The following LMX1B variants were observed in gnomAD, a reference collection of about 807,000 sequenced individuals.
LMX1B encodes the protein LIM homeobox transcription factor 1 beta.
A neutral mutation model predicts 51.4 loss-of-function variants in LMX1B; 12 were observed. The ratio of observed to expected loss-of-function variants is 0.23; its 90% CI spans 0.15 to 0.38. The LOEUF (loss-of-function observed/expected upper bound fraction) is 0.38. LMX1B is among the 10% of genes least tolerant of loss of function. LMX1B has a pLI of 1.00. For missense variants in LMX1B, 445 were observed against 571.1 expected, an observed-to-expected ratio of 0.78 and a Z score of 2.25; for synonymous variants, 237 against 235.4, an observed-to-expected ratio of 1.01 and a Z score of -0.06.
At position 126,625,908 on chromosome 9, in the gene LMX1B, G is replaced by T. The variant is rs1425015569; in HGVS notation, c.326+10339G>T. 2.6e-5 allele frequency among the ~76,000 whole-genome samples: 4 copies of T among 152,236 alleles called. No homozygotes were observed. Among genetic ancestry groups the T allele is most frequent in the Admixed American group, 1.3e-4 (2 of 15,290 alleles). ...CTTTAGCCGTGGCGCTCGCCTCGGC[G>T]CAGTGGGGAGCCGCGGGCGTCGGAG... On this transcript the variant is annotated intron_variant, in intron 2 of 7. Coordinates refer to ENST00000373474, the MANE Select transcript of LMX1B (RefSeq NM_001174147.2). This position sits in a 1 kb window ranked among gnomAD's most constrained non-coding sequence, Gnocchi z 5.3.
chr9:126,683,276 G>GGCCCCC (rs1275113934), intron 2 of LMX1B, among the ~76,000 whole-genome samples: 1 of 151,426 alleles, frequency 6.6e-6, no homozygotes, highest in Admixed American at 6.6e-5. Context: ...CGCGTACCGG[G>GGCCCCC]GCCCCCGCCC....
In LMX1B at chr9:126,671,055, T is replaced by C. The variant is rs1189320817; in HGVS notation, c.327-19781T>C. Among the ~76,000 whole-genome samples, 1 of 151,950 alleles carries C rather than the reference T, an allele frequency of 6.6e-6. No homozygotes were observed. The highest frequency in any genetic ancestry group is 1.5e-5 in the Non-Finnish European group (1 of 67,996). The stretch of plus-strand genomic sequence containing the variant: ...ATACACAGCCAGGGGCCATGCCAGG[T>C]GGCAGAGAAGGGGGCAAGAGAACTA... On this transcript the variant is annotated intron_variant, in intron 2 of 7. Coordinates refer to ENST00000373474, the MANE Select transcript of LMX1B (RefSeq NM_001174147.2). The surrounding 1 kb of genome is among the most constrained non-coding windows in gnomAD (Gnocchi z 4.4).
intron 2 of LMX1B, among the ~76,000 whole-genome samples, chr9:126,639,686 T>G (rs988104751): frequency 1.3e-5 from 2 of 152,108 alleles, no homozygotes; most frequent in Non-Finnish European, 2.9e-5. Context: ...TGCAAGCTGT[T>G]AGTGACTGGG....
chr9:126,640,899 G>T (rs1245074353), intron 2 of LMX1B: 1 of 152,288 alleles, frequency 6.6e-6, no homozygotes, highest in Non-Finnish European at 1.5e-5. Context: ...GGTGGGGTCA[G>T]AGGGGACACT....
At chr9:126,647,210 C>T (rs1835918446) in intron 2 of LMX1B, among the ~76,000 whole-genome samples, 1 of 151,264 alleles carries the variant, frequency 6.6e-6, no homozygotes, top group Non-Finnish European at 1.5e-5. Context: ...GAGACTCCAT[C>T]TCAAGAAAAA....
intron 2 of LMX1B, among the ~76,000 whole-genome samples, chr9:126,687,571 A>G (rs990668003): frequency 3.9e-5 from 6 of 152,120 alleles, no homozygotes; most frequent in African/African-American, 1.4e-4. Flanking sequence ...AGGTTCAGAG[A>G]GGTCAAATGC....
At chr9:126,623,272 G>A (rs933929462) in intron 2 of LMX1B, among the ~76,000 whole-genome samples, 1 of 152,228 alleles carries the variant, frequency 6.6e-6, no homozygotes, top group African/African-American at 2.4e-5. Flanking sequence ...GCCAGCCTGT[G>A]GATGGGCCCT....
rs771783644 is a variant in LMX1B, at chr9:126,658,891, A to T, written c.327-31945A>T. Among the ~76,000 whole-genome samples the T allele has an allele frequency of 5.3e-5, 8 of 152,176 alleles. No homozygotes were observed. The highest frequency in any genetic ancestry group is 1.9e-4 in the African/African-American group (8 of 41,444). On this transcript the variant is annotated intron_variant, in intron 2 of 7. Transcript: ENST00000373474. This position sits in a 1 kb window ranked among gnomAD's most constrained non-coding sequence, Gnocchi z 4.0. Reference sequence around the variant, plus strand: ...GAGAGAAGGAGGACTTCCTGGGGACATGAGAAGTCCATACTGGAGGCAAGA... The same window carrying T: ...GAGAGAAGGAGGACTTCCTGGGGACTTGAGAAGTCCATACTGGAGGCAAGA...
intron 2 of LMX1B, among the ~76,000 whole-genome samples, chr9:126,645,110 T>C (rs946996895): frequency 1.3e-5 from 2 of 151,792 alleles, no homozygotes; most frequent in African/African-American, 2.4e-5. Context: ...CTGGCTGGGT[T>C]CCCCCCCTAC....
chr9:126,646,028 G>T (rs1291754029), intron 2 of LMX1B, among the ~76,000 whole-genome samples: 2 of 152,168 alleles, frequency 1.3e-5, no homozygotes, highest in African/African-American at 4.8e-5. Flanking sequence ...TACTTCCTGA[G>T]CCGATTATTA....
At chr9:126,630,406 C>T (rs1196485794) in intron 2 of LMX1B, among the ~76,000 whole-genome samples, 1 of 152,132 alleles carries the variant, frequency 6.6e-6, no homozygotes, top group Non-Finnish European at 1.5e-5. Flanking sequence ...GAACAACTCT[C>T]CTGGCAGTAG....
chr9:126,679,635 C>T (rs1049806360), intron 2 of LMX1B, among the ~76,000 whole-genome samples: 3 of 152,012 alleles, frequency 2.0e-5, no homozygotes, highest in African/African-American at 7.3e-5. Flanking sequence ...ACGACCTATC[C>T]TCCTTAGCAC....
At chr9:126,637,508 T>C (rs1275572471) in intron 2 of LMX1B, among the ~76,000 whole-genome samples, 2 of 152,078 alleles carry the variant, frequency 1.3e-5, no homozygotes, top group African/African-American at 2.4e-5. Context: ...CTGTGGTGTG[T>C]GGCATACAGG....
chr9:126,635,698 A>AT (rs1293852022), intron 2 of LMX1B, among the ~76,000 whole-genome samples: 1 of 152,160 alleles, frequency 6.6e-6, no homozygotes, highest in African/African-American at 2.4e-5. Context: ...GTCTCACAAA[A>AT]TTGCAGCTCA....
At chr9:126,627,440 C>T (rs1359113870) in intron 2 of LMX1B, among the ~76,000 whole-genome samples, 1 of 152,006 alleles carries the variant, frequency 6.6e-6, no homozygotes, top group Non-Finnish European at 1.5e-5. Context: ...CCATTTTCTC[C>T]CTCCTGTCCC....
At chr9:126,632,874 G>A (rs971306527) in intron 2 of LMX1B, among the ~76,000 whole-genome samples, 1 of 152,188 alleles carries the variant, frequency 6.6e-6, no homozygotes, top group Non-Finnish European at 1.5e-5. Flanking sequence ...CCTTAGCTTG[G>A]TTTAATGCTC....
intron 2 of LMX1B, among the ~76,000 whole-genome samples, chr9:126,665,925 C>T (rs1262643414): frequency 2.0e-5 from 3 of 152,240 alleles, no homozygotes; most frequent in Non-Finnish European, 4.4e-5. Flanking sequence ...CTGACCAGAA[C>T]CCAGCAGGCA....
chr9:126,680,685 G>A (rs1275150153), intron 2 of LMX1B, among the ~76,000 whole-genome samples: 4 of 152,136 alleles, frequency 2.6e-5, no homozygotes, highest in Admixed American at 2.0e-4. Context: ...CTGGCTCATG[G>A]TAGGTGCCGG....
chr9:126,626,955 C>T lies in LMX1B; in HGVS notation c.326+11386C>T, dbSNP rs1835545959. 6.6e-6 allele frequency among the ~76,000 whole-genome samples: 1 copy of T among 152,226 alleles called. No homozygotes were observed. Among genetic ancestry groups the T allele is most frequent in the Non-Finnish European group, 1.5e-5 (1 of 68,030 alleles). On this transcript the variant is annotated intron_variant, in intron 2 of 7. Coordinates refer to ENST00000373474, the MANE Select transcript of LMX1B (RefSeq NM_001174147.2). This position sits in a 1 kb window ranked among gnomAD's most constrained non-coding sequence, Gnocchi z 4.3. ...CGCAGCGTCCGCCGGTCCGTCCGGG[C>T]TCCTCTGCAGGGAAGAGGCCTTGGT...
Sources: gnomAD v4.1 joint callset for allele counts (sites outside exome capture counted in the v4.1 genomes callset) on GRCh38, gnomAD v4.1.1 for gene constraint, Gnocchi (gnomAD v3.1) non-coding constraint, MANE v1.5 for transcripts, NCBI Gene and HGNC (gene_info 2026-07-23, HGNC 2026-07-21) for gene names.